CERT1: variants seen among roughly 807,000 people sequenced by gnomAD.
CERT1 encodes the protein ceramide transfer protein.
A neutral mutation model predicts 87.9 loss-of-function variants in CERT1; 31 were observed. The ratio of observed to expected loss-of-function variants is 0.35; its 90% CI spans 0.27 to 0.48. The LOEUF is 0.48. CERT1 is among the 20% of genes least tolerant of loss of function. The pLI, the probability that CERT1 is intolerant of heterozygous loss-of-function variation, is 0.99. For synonymous variants in CERT1, 289 were observed against 250.9 expected, an observed-to-expected ratio of 1.15 and a Z score of -1.44; for missense variants, 487 against 758.0, an observed-to-expected ratio of 0.64 and a Z score of 4.20.
intron 1 of CERT1, among the ~76,000 whole-genome samples, chr5:75,508,159 T>A (rs1767742114): frequency 6.6e-6 from 1 of 152,232 alleles, no homozygotes; most frequent in Non-Finnish European, 1.5e-5. Flanking sequence ...TCAAGACCCT[T>A]CATGGATTAA....
chr5:75,487,105 A>G (rs1766559064), intron 2 of CERT1, among the ~76,000 whole-genome samples: 3 of 152,194 alleles, frequency 2.0e-5, no homozygotes, highest in African/African-American at 4.8e-5. Context: ...ATAGTAACCA[A>G]AACAGTTTGG....
At chr5:75,460,130 A>T (rs941825814) in intron 2 of CERT1, among the ~76,000 whole-genome samples, 2 of 152,130 alleles carry the variant, frequency 1.3e-5, no homozygotes, top group Non-Finnish European at 2.9e-5. Context: ...TTTAAGGCCA[A>T]AATAAGTTTT....
At chr5:75,373,128 A>C (rs1561214115), downstream of CERT1, 1 of 152,244 alleles carries the variant, frequency 6.6e-6, no homozygotes. Flanking sequence ...GTTTCTGATC[A>C]AAAGGCAAAG....
intron 17 of CERT1, chr5:75,371,533 C>T (rs1024446283): frequency 9.2e-5 from 14 of 152,190 alleles, no homozygotes; most frequent in Admixed American, 6.5e-4. Flanking sequence ...TGCCTTCTTA[C>T]ACCTCCCTTG....
chr5:75,487,222 C>T (rs1239007863), intron 2 of CERT1, among the ~76,000 whole-genome samples: 1 of 152,036 alleles, frequency 6.6e-6, no homozygotes, highest in Non-Finnish European at 1.5e-5. Context: ...CAAGAACATA[C>T]ATTGGGGAAA....
chr5:75,424,100 C>T (rs1468680369), intron 5 of CERT1, among the ~76,000 whole-genome samples: 2 of 152,122 alleles, frequency 1.3e-5, no homozygotes, highest in Non-Finnish European at 2.9e-5. Flanking sequence ...TTGACATCAG[C>T]AGTATTTTTG....
In CERT1 at chr5:75,378,572, AATGAG is replaced by A. The variant is rs768206200; in HGVS notation, c.*769_*773del. The A allele has an allele frequency of 4.6e-5, 7 of 152,218 alleles. No homozygotes were observed. Among genetic ancestry groups the A allele is most frequent in the Non-Finnish European group, 8.8e-5 (6 of 68,040 alleles). 9.4% of individuals were successfully genotyped at this position (152,218 alleles called of 1,614,324 possible). ...ACATGCATGTAACAGATGTTAAAAG[AATGAG>A]ATGTTTTACACATCTCATGTCTTAT... On this transcript the variant is annotated 3_prime_UTR_variant, in exon 17 of 17. Transcript: ENST00000643780.
At chr5:75,411,399 C>T (rs1371987644) in intron 7 of CERT1, among the ~76,000 whole-genome samples, 4 of 152,290 alleles carry the variant, frequency 2.6e-5, no homozygotes, top group South Asian at 2.1e-4. Context: ...CTGCAACCTC[C>T]GCCTCCTGGG....
chr5:75,385,258 A>C (rs1018906094), intron 13 of CERT1, among the ~76,000 whole-genome samples: 4 of 152,140 alleles, frequency 2.6e-5, no homozygotes, highest in Admixed American at 2.6e-4. Context: ...GGAACACCTG[A>C]GGTCAGGAGT....
intron 9 of CERT1, 153 bp from the exon 10 acceptor site, chr5:75,400,450 C>T: frequency 3.7e-6 from 2 of 541,808 alleles, no homozygotes; most frequent in South Asian, 6.2e-5. Flanking sequence ...GCAGACATGG[C>T]AAATCCTGAT....
At chr5:75,400,684 GACTCACAGGTTTATATATAATT>G (rs1762435503) in intron 9 of CERT1, 1 of 166,928 alleles carries the variant, frequency 6.0e-6, no homozygotes, top group Admixed American at 6.2e-5. Context: ...CTGGAAGGCT[GACTCACAGGTTTATATATAATT>G]AGAAATAATA....
Position 75,511,331 on chromosome 5 carries a change from G to T in CERT1, c.-124C>A, listed in dbSNP as rs1249931773. 3 of 1,546,950 alleles carry T rather than the reference G, an allele frequency of 1.9e-6. No homozygotes were observed. The highest frequency in any genetic ancestry group is 2.7e-5 in the African/African-American group (2 of 72,984). On this transcript the variant is annotated 5_prime_UTR_variant, in exon 1 of 17. Coordinates refer to ENST00000643780, the MANE Select transcript of CERT1 (RefSeq NM_001379029.1). Reference sequence around the variant, plus strand: ...CGAAGAGTGCCCGCTCCGGTGTGGGGGGGAGCAGGAGGAGGGACGAAGTCC... The same window carrying T: ...CGAAGAGTGCCCGCTCCGGTGTGGGTGGGAGCAGGAGGAGGGACGAAGTCC...
intron 12 of CERT1, among the ~76,000 whole-genome samples, chr5:75,387,512 C>T (rs915437991): frequency 4.0e-5 from 6 of 151,578 alleles, no homozygotes; most frequent in Non-Finnish European, 5.9e-5. Flanking sequence ...GAGGCCGAGG[C>T]GGGCGGATCA....
At position 75,384,435 on chromosome 5, in the gene CERT1, G is replaced by A. The variant is rs561904540; in HGVS notation, c.1488+207C>T. On this transcript the variant is annotated intron_variant, in intron 14 of 16. Transcript: ENST00000643780. Reference sequence around the variant, plus strand: ...TTATCAAGCACTCTATTTCTAGATTGTATCTCTCAGATTCTTGCCTGCACA... The same window carrying A: ...TTATCAAGCACTCTATTTCTAGATTATATCTCTCAGATTCTTGCCTGCACA... 7.9e-5 allele frequency among the ~76,000 whole-genome samples: 12 copies of A among 152,336 alleles called. No homozygotes were observed. In the East Asian group the frequency reaches 2.3e-3, roughly 29 times the overall value.
chr5:75,401,318 A>G (rs566846041), intron 9 of CERT1: 1 of 152,334 alleles, frequency 6.6e-6, no homozygotes, highest in South Asian at 2.1e-4. Flanking sequence ...CTCAATCACC[A>G]TACTGATATT....
At chr5:75,380,167 T>G (rs1402727782) in intron 16 of CERT1, among the ~76,000 whole-genome samples, 1 of 152,122 alleles carries the variant, frequency 6.6e-6, no homozygotes, top group Non-Finnish European at 1.5e-5. Context: ...TGAGAGAGGT[T>G]GCAATGATTA....
chr5:75,501,508 A>T (rs1157910122), intron 2 of CERT1, among the ~76,000 whole-genome samples: 6 of 152,212 alleles, frequency 3.9e-5, no homozygotes, highest in Non-Finnish European at 7.4e-5. Context: ...ATCTGAAGAT[A>T]TTATACCAAA....
chr5:75,379,284 C>T lies in CERT1; in HGVS notation c.*62G>A, dbSNP rs559914529. 2.4e-5 allele frequency: 32 copies of T among 1,357,226 alleles called. No individual in the cohort carries two copies. Among genetic ancestry groups the T allele is most frequent in the Non-Finnish European group, 3.3e-5 (32 of 973,024 alleles). 84.1% of individuals were successfully genotyped at this position (1,357,226 alleles called of 1,614,324 possible). On this transcript the variant is annotated 3_prime_UTR_variant, in exon 17 of 17. Transcript: ENST00000643780. ...TTCAACAACTAAATTTTAGTATTGA[C>T]AGTCATATTAGTCAAATAAAGTTAA...
At chr5:75,500,477 A>T (rs1353904690) in intron 2 of CERT1, among the ~76,000 whole-genome samples, 1 of 152,164 alleles carries the variant, frequency 6.6e-6, no homozygotes, top group Non-Finnish European at 1.5e-5. Context: ...TTTGAGTTAC[A>T]TTATCTGAAT....
Sources: allele counts gnomAD v4.1 joint callset (sites outside exome capture counted in the v4.1 genomes callset), GRCh38; gene constraint gnomAD v4.1.1; transcripts MANE v1.5; gene names NCBI Gene and HGNC (gene_info 2026-07-23, HGNC 2026-07-21).